The following RBMS3 variants were observed in gnomAD, a reference collection of about 807,000 sequenced individuals.
The protein encoded by RBMS3 is RNA binding motif single stranded interacting protein 3.
In RBMS3, 27 loss-of-function variants were observed where a neutral mutation model predicts 66.8. The ratio of observed to expected loss-of-function variants is 0.40; its 90% CI spans 0.30 to 0.56. The LOEUF (loss-of-function observed/expected upper bound fraction) is 0.56. Among genes scored for constraint, RBMS3 ranks in the 20% least tolerant of loss-of-function variants. The pLI is 0.40. For missense variants in RBMS3, 513 were observed against 549.5 expected (o/e 0.93, Z 0.66); for synonymous variants, 188 against 183.0 (o/e 1.03, Z -0.22).
rs1413237296 is a variant in RBMS3, at chr3:29,690,684, A to G, written c.400-49036A>G. Among the ~76,000 whole-genome samples, 4 of 152,342 alleles carry G rather than the reference A, an allele frequency of 2.6e-5. No individual in the cohort carries two copies. In the East Asian group the frequency reaches 5.8e-4, roughly 22 times the overall value. On this transcript the variant is annotated intron_variant, in intron 4 of 14. Coordinates refer to ENST00000383767, the MANE Select transcript of RBMS3 (RefSeq NM_001003793.3). ...TACTTATCAGAAATTTTAGAGGCCCAGAATTCTCTTTCAAGTTCTGTGCTT... is the reference window on the plus strand; with the variant it reads ...TACTTATCAGAAATTTTAGAGGCCCGGAATTCTCTTTCAAGTTCTGTGCTT...
At chr3:29,947,673 C>G (rs1194396729) in intron 12 of RBMS3, among the ~76,000 whole-genome samples, 1 of 151,322 alleles carries the variant, frequency 6.6e-6, no homozygotes, top group Non-Finnish European at 1.5e-5. Flanking sequence ...TCCATAACAA[C>G]TATAACTCCT....
chr3:29,583,892 G>T (rs2047418465), intron 3 of RBMS3, among the ~76,000 whole-genome samples: 1 of 150,788 alleles, frequency 6.6e-6, no homozygotes, highest in African/African-American at 2.5e-5. Flanking sequence ...AATCAGGTGG[G>T]AAATAGACAC....
chr3:29,933,333 A>G, intron 10 of RBMS3, among the ~76,000 whole-genome samples: 1 of 152,104 alleles, frequency 6.6e-6, no homozygotes, highest in Non-Finnish European at 1.5e-5. Flanking sequence ...TATTTATGTC[A>G]TATACAATAC....
rs546440883 is a variant in RBMS3, at chr3:29,288,400, T to C, written c.75+6644T>C. On this transcript the variant is annotated intron_variant, in intron 1 of 14. Coordinates refer to ENST00000383767, the MANE Select transcript of RBMS3 (RefSeq NM_001003793.3). ...CAGTGCACTGAGAGAAACACGTCCA[T>C]CACTTGGGAGTGGGTGGATAGAAGT... is the stretch of plus-strand genomic sequence containing the variant. Among the ~76,000 whole-genome samples the C allele has an allele frequency of 3.3e-5, 5 of 152,154 alleles. No homozygotes were observed. In the East Asian group the frequency reaches 9.7e-4, roughly 30 times the overall value.
chr3:29,491,673 C>T (rs1205180897), intron 3 of RBMS3, among the ~76,000 whole-genome samples: 1 of 152,124 alleles, frequency 6.6e-6, no homozygotes, highest in East Asian at 1.9e-4. Context: ...AGGAAAATCA[C>T]TTAAAGAAAG....
chr3:29,376,974 A>T (rs898955661), intron 1 of RBMS3, among the ~76,000 whole-genome samples: 1 of 152,148 alleles, frequency 6.6e-6, no homozygotes, highest in South Asian at 2.1e-4. Context: ...CTGTAATCCC[A>T]GCTACTCAGG....
At chr3:29,602,681 C>G (rs948403710) in intron 4 of RBMS3, among the ~76,000 whole-genome samples, 6 of 151,934 alleles carry the variant, frequency 3.9e-5, no homozygotes, top group African/African-American at 1.4e-4. Context: ...TTTCTTACAA[C>G]TATTATCTTA....
chr3:29,673,220 C>T (rs2051082320), intron 4 of RBMS3, among the ~76,000 whole-genome samples: 1 of 152,112 alleles, frequency 6.6e-6, no homozygotes, highest in African/African-American at 2.4e-5. Flanking sequence ...ACACAACATA[C>T]CAGAATCTCT....
At chr3:29,735,965 C>A (rs1176309715) in intron 4 of RBMS3, among the ~76,000 whole-genome samples, 1 of 152,008 alleles carries the variant, frequency 6.6e-6, no homozygotes, top group African/African-American at 2.4e-5. Flanking sequence ...ATAAAAAGAT[C>A]TTTTTGATTG....
At chr3:29,343,003 A>C (rs1206031617) in intron 1 of RBMS3, among the ~76,000 whole-genome samples, 1 of 152,148 alleles carries the variant, frequency 6.6e-6, no homozygotes, top group Non-Finnish European at 1.5e-5. Context: ...ATTAGGAAAG[A>C]ATTTTAGTGC....
At chr3:29,593,964 G>A (rs1027761577) in intron 4 of RBMS3, among the ~76,000 whole-genome samples, 8 of 152,146 alleles carry the variant, frequency 5.3e-5, no homozygotes, top group African/African-American at 1.7e-4. Context: ...ATAGGATATG[G>A]AGATGGTAGT....
At chr3:29,612,954 T>C (rs1451658741) in intron 4 of RBMS3, among the ~76,000 whole-genome samples, 1 of 152,140 alleles carries the variant, frequency 6.6e-6, no homozygotes, top group Non-Finnish European at 1.5e-5. Flanking sequence ...TTTAAGGACA[T>C]GAAATAAGGA....
At chr3:29,674,069 T>C (rs74548357) in intron 4 of RBMS3, among the ~76,000 whole-genome samples, 7,769 of 152,284 alleles carry the variant, frequency 0.051, 694 homozygotes, top group African/African-American at 0.18. Context: ...TCAAGTGGGC[T>C]TTATTCCTGG....
At chr3:29,507,646 G>A (rs979702681) in intron 3 of RBMS3, among the ~76,000 whole-genome samples, 2 of 152,070 alleles carry the variant, frequency 1.3e-5, no homozygotes, top group Admixed American at 6.6e-5. Flanking sequence ...GATGGGGAGA[G>A]CATATTTTTC....
At chr3:29,559,230 GA>G (rs935289355) in intron 3 of RBMS3, among the ~76,000 whole-genome samples, 5 of 151,248 alleles carry the variant, frequency 3.3e-5, no homozygotes, top group Non-Finnish European at 5.9e-5. Flanking sequence ...TTGAGAAAAA[GA>G]AAAAAAATCT....
chr3:29,615,678 T>C (rs1463477585), intron 4 of RBMS3, among the ~76,000 whole-genome samples: 3 of 152,140 alleles, frequency 2.0e-5, no homozygotes, highest in African/African-American at 7.2e-5. Flanking sequence ...AAATTTGAGA[T>C]CAGCCTGGGC....
intron 4 of RBMS3, among the ~76,000 whole-genome samples, chr3:29,628,364 T>C (rs2049147217): frequency 6.6e-6 from 1 of 152,160 alleles, no homozygotes; most frequent in Non-Finnish European, 1.5e-5. Context: ...AAACTGGCTG[T>C]GTCAGTGATT....
intron 2 of RBMS3, among the ~76,000 whole-genome samples, chr3:29,446,131 A>G (rs2041822609): frequency 6.6e-6 from 1 of 152,182 alleles, no homozygotes; most frequent in Non-Finnish European, 1.5e-5. Context: ...GCATAATACC[A>G]TCACAAGAGT....
intron 1 of RBMS3, among the ~76,000 whole-genome samples, chr3:29,299,649 T>C (rs1043210354): frequency 1.3e-5 from 2 of 151,896 alleles, no homozygotes; most frequent in African/African-American, 4.8e-5. Context: ...ATAGCAACTA[T>C]TTATATAGCA....
Sources: allele counts gnomAD v4.1 joint callset (sites outside exome capture counted in the v4.1 genomes callset), GRCh38; gene constraint gnomAD v4.1.1; transcripts MANE v1.5; gene names NCBI Gene and HGNC (gene_info 2026-07-23, HGNC 2026-07-21).